Variants in N4BP2L2 observed in about 807,000 individuals in gnomAD.
N4BP2L2 encodes the protein NEDD4 binding protein 2 like 2.
A neutral mutation model predicts 56.2 loss-of-function variants in N4BP2L2; 50 were observed. That is an observed-to-expected ratio of 0.89 (90% CI 0.71 to 1.13). N4BP2L2 has a LOEUF of 1.13. Among genes scored for constraint, N4BP2L2 ranks in the 50% most tolerant of loss-of-function variants. The pLI, the probability that N4BP2L2 is intolerant of heterozygous loss-of-function variation, is 0.00. For missense variants in N4BP2L2, 689 were observed against 693.8 expected, an observed-to-expected ratio of 0.99 and a Z score of 0.08; for synonymous variants, 203 against 223.6, an observed-to-expected ratio of 0.91 and a Z score of 0.82.
intron 6 of N4BP2L2, among the ~76,000 whole-genome samples, chr13:32,492,404 T>C (rs1311482984): frequency 6.7e-6 from 1 of 149,088 alleles, no homozygotes; most frequent in East Asian, 2.0e-4. Context: ...TGCCTCAGCC[T>C]CCCGAGTAGC....
At chr13:32,517,551 C>T in exon 6 of N4BP2L2, 1 of 1,209,354 alleles carries the variant, frequency 8.3e-7, no homozygotes, top group African/African-American at 1.5e-5. Context: ...TCCTACCCAC[C>T]ACTCTATTAC....
Position 32,482,775 on chromosome 13 carries a change from A to G in N4BP2L2, c.365+35082T>C, listed in dbSNP as rs116346419. Among the ~76,000 whole-genome samples the G allele has an allele frequency of 5.1e-3, 770 of 152,332 alleles. 11 individuals are homozygous for G. The highest frequency in any genetic ancestry group is 0.017 in the African/African-American group (702 of 41,572). On this transcript the variant is annotated intron_variant, in intron 6 of 9. Transcript: ENST00000357505. ...AATAACAGGAAAGATTACAAAACTA[A>G]GACACCATTTGGTAAAAGTTTTCAT...
rs756219842 is a variant in N4BP2L2 at position 32,442,607 on chromosome 13, G to A, written c.1885C>T (p.His629Tyr). ...CCCAAAGAGCACGAAGTATCAGGAT[G>A]ACTATGTAAAATTTCTGGAGAAATA... The change falls in exon 7 of 10, where the codon CAT becomes TAT. Residue 629 changes from histidine to tyrosine, a missense_variant. By Grantham distance (83) the His-to-Tyr change is moderately conservative (BLOSUM62 2). Coordinates refer to the N4BP2L2 transcript ENST00000357505. 6.8e-6 allele frequency: 11 copies of A among 1,613,694 alleles called. No homozygotes were observed. The Admixed American group carries it at 1.8e-4, about 27-fold the overall frequency.
chr13:32,490,647 C>T (rs1566116646), intron 6 of N4BP2L2, among the ~76,000 whole-genome samples: 1 of 152,128 alleles, frequency 6.6e-6, no homozygotes, highest in Non-Finnish European at 1.5e-5. Context: ...CTTACACAAG[C>T]AGTCCCCAAC....
chr13:32,486,223 ACT>A (rs1250716907), intron 6 of N4BP2L2, among the ~76,000 whole-genome samples: 1 of 152,138 alleles, frequency 6.6e-6, no homozygotes, highest in African/African-American at 2.4e-5. Context: ...AAGAATGTAC[ACT>A]CTCACCATTT....
intron 4 of N4BP2L2, 85 bp from the exon 5 acceptor site, chr13:32,521,534 A>C: frequency 1.2e-6 from 1 of 851,544 alleles, no homozygotes; most frequent in South Asian, 1.5e-5. Context: ...TTTCATTTCG[A>C]CAATACTATA....
chr13:32,493,342 CAT>C (rs1334555111), intron 6 of N4BP2L2, among the ~76,000 whole-genome samples: 1 of 151,996 alleles, frequency 6.6e-6, no homozygotes, highest in Non-Finnish European at 1.5e-5. Flanking sequence ...TTATGTTGCA[CAT>C]GTCCAAGAAT....
At chr13:32,518,840 T>C (rs981310021) in intron 5 of N4BP2L2, among the ~76,000 whole-genome samples, 4 of 152,198 alleles carry the variant, frequency 2.6e-5, no homozygotes, top group African/African-American at 7.2e-5. Flanking sequence ...TTTATATTTA[T>C]GTACTTTTCT....
intron 6 of N4BP2L2, among the ~76,000 whole-genome samples, chr13:32,462,538 A>G (rs1286865834): frequency 1.3e-5 from 2 of 152,206 alleles, no homozygotes; most frequent in Non-Finnish European, 2.9e-5. Flanking sequence ...ATAAGTTTCA[A>G]TGTTTCATAG....
At chr13:32,505,055 C>T (rs1001136217) in intron 6 of N4BP2L2, 3 of 152,276 alleles carry the variant, frequency 2.0e-5, no homozygotes, top group African/African-American at 7.2e-5. Flanking sequence ...AGCCCACCTC[C>T]CTCAGCCCTA....
chr13:32,480,867 C>T (rs2084515629), intron 6 of N4BP2L2, among the ~76,000 whole-genome samples: 1 of 151,644 alleles, frequency 6.6e-6, no homozygotes, highest in African/African-American at 2.4e-5. Flanking sequence ...ACCTATAATC[C>T]CAGCACTTTG....
intron 6 of N4BP2L2, among the ~76,000 whole-genome samples, chr13:32,500,865 CTTTTTTT>C (rs368419149): frequency 2.4e-5 from 3 of 127,404 alleles, no homozygotes; most frequent in African/African-American, 8.8e-5. Context: ...TTAGTCTTTT[CTTTTTTT>C]TTTTTTTTTT....
At chr13:32,531,894 T>C (rs2054911417) in intron 2 of N4BP2L2, among the ~76,000 whole-genome samples, 1 of 152,188 alleles carries the variant, frequency 6.6e-6, no homozygotes, top group Admixed American at 6.5e-5. Flanking sequence ...TATGTTTCCT[T>C]GCCTTTTCCA....
chr13:32,452,219 A>G (rs772646), intron 6 of N4BP2L2, among the ~76,000 whole-genome samples: 106,591 of 151,812 alleles, frequency 0.7, 37,941 homozygotes, highest in East Asian at 0.88. Context: ...GTGCCACCAC[A>G]CCTGGCTAAT....
At chr13:32,512,079 T>C (rs1233764102) in exon 6 of N4BP2L2, 1 of 152,114 alleles carries the variant, frequency 6.6e-6, no homozygotes, top group Non-Finnish European at 1.5e-5. Context: ...CAGTTAAAAC[T>C]GGAAAATAAG....
intron 6 of N4BP2L2, among the ~76,000 whole-genome samples, chr13:32,491,909 C>A (rs929113793): frequency 2.0e-5 from 3 of 152,076 alleles, no homozygotes; most frequent in African/African-American, 7.2e-5. Flanking sequence ...GGATTACAGG[C>A]ATGAGCCACC....
chr13:32,477,508 G>A (rs1334304516), intron 6 of N4BP2L2: 1 of 207,792 alleles, frequency 4.8e-6, no homozygotes, highest in African/African-American at 2.3e-5. Flanking sequence ...ACATATGGCA[G>A]ACAAAATAGT....
chr13:32,521,303 T>G (rs2050831971), intron 5 of N4BP2L2, 70 bp downstream of exon 5: 1 of 1,183,792 alleles, frequency 8.4e-7, no homozygotes, highest in East Asian at 2.3e-5. Flanking sequence ...CAATAAACTG[T>G]GAAAGGATGT....
At chr13:32,441,888 AAAATAAATAAATAAAT>A (rs201117316) in intron 7 of N4BP2L2, among the ~76,000 whole-genome samples, 35 of 138,906 alleles carry the variant, frequency 2.5e-4, no homozygotes, top group East Asian at 1.7e-3. Flanking sequence ...CTAAAAATAC[AAAATAAATAAATAAAT>A]AAATAAATAA....
Sources: allele counts gnomAD v4.1 joint callset (sites outside exome capture counted in the v4.1 genomes callset), GRCh38; gene constraint gnomAD v4.1.1; transcripts MANE v1.5; gene names NCBI Gene and HGNC (gene_info 2026-07-23, HGNC 2026-07-21).